Variants in ABR observed in about 807,000 individuals in gnomAD.
ABR encodes the protein active breakpoint cluster region-related protein.
A neutral mutation model predicts 107.2 loss-of-function variants in ABR; 35 were observed. The ratio of observed to expected loss-of-function variants is 0.33; its 90% CI spans 0.25 to 0.43. The LOEUF (loss-of-function observed/expected upper bound fraction) is 0.43, where lower values mean the gene tolerates loss of function less well. ABR is among the 20% of genes least tolerant of loss of function. The pLI, the probability that ABR is intolerant of heterozygous loss-of-function variation, is 1.00. For synonymous variants in ABR, 498 were observed against 462.0 expected (o/e 1.08, Z -1.00); for missense variants, 815 against 1,115.2 (o/e 0.73, Z 3.83).
At chr17:1,083,660 G>A (rs772806572) in intron 4 of ABR, 33 bp from the exon 5 acceptor site, 1 of 1,465,330 alleles carries the variant, frequency 6.8e-7, no homozygotes, top group South Asian at 1.1e-5. Flanking sequence ...AGAGGGAGAG[G>A]AGGGTGGGAG....
At chr17:1,073,758 C>T (rs1300987323) in intron 6 of ABR, 81 bp from the exon 7 acceptor site, 8 of 1,303,984 alleles carry the variant, frequency 6.1e-6, no homozygotes, top group African/African-American at 1.5e-5. Context: ...CTTCGTCCCC[C>T]CACCCGCATG....
chr17:1,212,447 C>G (rs766617045), intron 1 of ABR, among the ~76,000 whole-genome samples: 2 of 151,392 alleles, frequency 1.3e-5, no homozygotes, highest in Non-Finnish European at 2.9e-5. Flanking sequence ...GAAAAAAAAA[C>G]AACAACAAAA....
At chr17:1,207,691 T>C (rs2042818354) in intron 1 of ABR, among the ~76,000 whole-genome samples, 2 of 150,878 alleles carry the variant, frequency 1.3e-5, no homozygotes, top group South Asian at 4.2e-4. Context: ...AAAAGGAAAC[T>C]GTTGGAATCA....
chr17:1,187,776 C>A (rs1280415342), upstream of ABR, among the ~76,000 whole-genome samples: 1 of 151,888 alleles, frequency 6.6e-6, no homozygotes, highest in South Asian at 2.1e-4. Context: ...TGCCTGTAAT[C>A]CCAGCTACTC....
chr17:1,044,845 C>T (rs1328413914), intron 16 of ABR, among the ~76,000 whole-genome samples: 5 of 152,150 alleles, frequency 3.3e-5, no homozygotes, highest in African/African-American at 9.7e-5. Context: ...CTCCCTTCTG[C>T]GGAAGCGGAG....
chr17:1,179,881 G>T lies in ABR; in HGVS notation c.-154C>A. 1.4e-6 allele frequency: 1 copy of T among 732,066 alleles called. No homozygotes were observed. The allele number at this position is 732,066 out of a possible 1,614,324, so 45.3% of individuals were successfully genotyped here. On this transcript the variant is annotated 5_prime_UTR_variant, in exon 1 of 23. Transcript: ENST00000302538. This position sits in a 1 kb window ranked among gnomAD's most constrained non-coding sequence, Gnocchi z 4.9. ...CCCGGGAGGAGCGCGGGGCGGCCGG[G>T]GCAGGGGCGAGGGCGGGGCGGGAGC...
At chr17:1,142,130 G>A (rs1338983310) in intron 1 of ABR, among the ~76,000 whole-genome samples, 2 of 152,112 alleles carry the variant, frequency 1.3e-5, no homozygotes, top group African/African-American at 2.4e-5. Flanking sequence ...GAGTTGGGAA[G>A]CTCTCTGGCT....
chr17:1,179,899 G>A lies in ABR; in HGVS notation c.-172C>T, dbSNP rs2042064748. 1 of 585,666 alleles carries A rather than the reference G, an allele frequency of 1.7e-6. No individual in the cohort carries two copies. Among genetic ancestry groups the A allele is most frequent in the African/African-American group, 2.0e-5 (1 of 50,612 alleles). The allele number at this position is 585,666 out of a possible 1,614,324, so 36.3% of individuals were successfully genotyped here. On this transcript the variant is annotated 5_prime_UTR_variant, in exon 1 of 23. Transcript: ENST00000302538. This position sits in a 1 kb window ranked among gnomAD's most constrained non-coding sequence, Gnocchi z 4.9. Reference sequence around the variant, plus strand: ...CGGCCGGGGCAGGGGCGAGGGCGGGGCGGGAGCCCCCAAAACCCTCCCGAA... The same window carrying A: ...CGGCCGGGGCAGGGGCGAGGGCGGGACGGGAGCCCCCAAAACCCTCCCGAA...
chr17:1,211,807 A>G (rs1263677900), intron 1 of ABR, among the ~76,000 whole-genome samples: 1 of 152,150 alleles, frequency 6.6e-6, no homozygotes, highest in Non-Finnish European at 1.5e-5. Context: ...AAGGCCGGCC[A>G]CGGTGGCTCA....
In ABR at chr17:1,019,691, G is replaced by A. The variant is rs535663555; in HGVS notation, c.1792-6527C>T. ...GAGAAACGCTGCTGCCCGCAACTGCGCTGGCTATTTATAACTCCTGGGAAA... is the reference window on the plus strand; with the variant it reads ...GAGAAACGCTGCTGCCCGCAACTGCACTGGCTATTTATAACTCCTGGGAAA... On this transcript the variant is annotated intron_variant, in intron 16 of 22. Transcript: ENST00000302538. 1.0e-3 allele frequency among the ~76,000 whole-genome samples: 152 copies of A among 152,400 alleles called. 1 individual carries two copies. The highest frequency in any genetic ancestry group is 3.5e-3 in the Admixed American group (54 of 15,310).
intron 1 of ABR, among the ~76,000 whole-genome samples, chr17:1,173,438 T>A (rs1000636690): frequency 7.6e-5 from 11 of 145,638 alleles, no homozygotes. Flanking sequence ...CGCAGGGTTG[T>A]CTTGAAGCCG....
chr17:1,212,314 C>G (rs1010739566), intron 1 of ABR, among the ~76,000 whole-genome samples: 3 of 151,736 alleles, frequency 2.0e-5, no homozygotes, highest in Non-Finnish European at 4.4e-5. Context: ...GCCTGTGGTC[C>G]CAGCTACTTG....
intron 2 of ABR, among the ~76,000 whole-genome samples, chr17:1,124,876 T>C (rs1567797757): frequency 1.3e-5 from 2 of 152,148 alleles, no homozygotes; most frequent in East Asian, 3.9e-4. Flanking sequence ...TCCTGGGTCC[T>C]CTGGAGGAGA....
chr17:1,013,441 T>A (rs333649), intron 16 of ABR, among the ~76,000 whole-genome samples: 1 of 137,470 alleles, frequency 7.3e-6, no homozygotes, highest in Non-Finnish European at 1.5e-5. Flanking sequence ...CAGGGCACAC[T>A]CTGTTACCCA....
chr17:1,150,543 G>C lies in ABR; in HGVS notation c.62-25176C>G, dbSNP rs2040749595. Among the ~76,000 whole-genome samples the C allele has an allele frequency of 6.6e-6, 1 of 152,216 alleles. No homozygotes were observed. Among genetic ancestry groups the C allele is most frequent in the Non-Finnish European group, 1.5e-5 (1 of 68,036 alleles). On this transcript the variant is annotated intron_variant, in intron 1 of 22. Transcript: ENST00000302538. The surrounding 1 kb of genome is among the most constrained non-coding windows in gnomAD (Gnocchi z 4.8). ...CCCAAGCGCCGAGAGAGGCCCAGGA[G>C]GACGGGCCCCGGGCATGGCAAGCGC...
intron 1 of ABR, chr17:1,126,225 G>C (rs780246140): frequency 6.6e-6 from 1 of 152,498 alleles, no homozygotes. Context: ...AAAGGGTTAC[G>C]AGGGCGGCCT....
intron 1 of ABR, among the ~76,000 whole-genome samples, chr17:1,172,804 C>T (rs2041764334): frequency 6.6e-6 from 1 of 151,980 alleles, no homozygotes; most frequent in Admixed American, 6.6e-5. Flanking sequence ...TGGACTTTCT[C>T]ACATGTGGGG....
Position 1,016,461 on chromosome 17 carries a change from T to C in ABR, c.1792-3297A>G, listed in dbSNP as rs559624539. Among the ~76,000 whole-genome samples the C allele has an allele frequency of 7.2e-4, 109 of 151,680 alleles. 5 individuals are homozygous for C. Among genetic ancestry groups the C allele is most frequent in the African/African-American group, 2.5e-3 (103 of 41,144 alleles). On this transcript the variant is annotated intron_variant, in intron 16 of 22. Transcript: ENST00000302538. ...CCTCCCGAGTAGCTGGGATTACAGG[T>C]GCCTGCCACCACGCCCAGCTAATTT...
chr17:1,189,221 C>G (rs978817596), upstream of ABR, among the ~76,000 whole-genome samples: 1 of 152,142 alleles, frequency 6.6e-6, no homozygotes, highest in African/African-American at 2.4e-5. Flanking sequence ...AGACTGACAT[C>G]AAAGATATGA....
Sources: gnomAD v4.1 joint callset for allele counts (sites outside exome capture counted in the v4.1 genomes callset) on GRCh38, gnomAD v4.1.1 for gene constraint, Gnocchi (gnomAD v3.1) non-coding constraint, MANE v1.5 for transcripts, NCBI Gene and HGNC (gene_info 2026-07-23, HGNC 2026-07-21) for gene names.